CCNK: variants seen among roughly 807,000 people sequenced by gnomAD.
The protein encoded by CCNK is cyclin-K.
A neutral mutation model predicts 65.0 loss-of-function variants in CCNK; 9 were observed. The observed-to-expected ratio is 0.14, with a 90% CI of 0.08 to 0.24. The LOEUF is 0.24. Ranked by LOEUF, CCNK falls within the 10% of genes least tolerant of loss-of-function variation. The pLI is 1.00. For synonymous variants in CCNK, 279 were observed against 270.8 expected (o/e 1.03, Z -0.30); for missense variants, 474 against 720.0 (o/e 0.66, Z 3.91).
intron 1 of CCNK, among the ~76,000 whole-genome samples, chr14:99,486,150 T>G (rs917912484): frequency 6.6e-6 from 1 of 152,204 alleles, no homozygotes; most frequent in Non-Finnish European, 1.5e-5. Flanking sequence ...CCTTGTCCTT[T>G]AACTTTTCTT....
chr14:99,501,002 C>T (rs1284707598), intron 5 of CCNK, 131 bp downstream of exon 5: 2 of 661,692 alleles, frequency 3.0e-6, no homozygotes, highest in East Asian at 2.8e-5. Flanking sequence ...GCATGGCTTG[C>T]TCAGTCAATT....
chr14:99,509,994 T>C (rs1332139165), intron 10 of CCNK, 163 bp from the exon 11 acceptor site: 4 of 672,024 alleles, frequency 6.0e-6, no homozygotes, highest in Non-Finnish European at 9.9e-6. Context: ...GGGAGACATC[T>C]GGTGGCATCA....
chr14:99,502,629 C>T (rs980017855), intron 7 of CCNK, 90 bp from the exon 8 acceptor site: 215 of 1,303,422 alleles, frequency 1.6e-4, no homozygotes, highest in Non-Finnish European at 2.1e-4. Context: ...CTTAGGTCCT[C>T]GTAGGGGTAT....
At chr14:99,487,881 A>G (rs1469609180) in intron 1 of CCNK, among the ~76,000 whole-genome samples, 1 of 152,256 alleles carries the variant, frequency 6.6e-6, no homozygotes, top group Non-Finnish European at 1.5e-5. Context: ...GTACCCACAC[A>G]TAAGCAAGTA....
At chr14:99,495,846 T>C (rs1595310068) in intron 4 of CCNK, among the ~76,000 whole-genome samples, 1 of 152,164 alleles carries the variant, frequency 6.6e-6, no homozygotes, top group Non-Finnish European at 1.5e-5. Context: ...CCAGCAGTAT[T>C]CTAAGTACTT....
intron 8 of CCNK, chr14:99,503,198 C>T (rs868561000): frequency 2.1e-5 from 15 of 701,516 alleles, no homozygotes; most frequent in South Asian, 6.1e-5. Context: ...GCTCTCTGCC[C>T]GGCTCCAGCC....
At chr14:99,507,944 A>G (rs1026627727) in intron 10 of CCNK, 1 of 152,248 alleles carries the variant, frequency 6.6e-6, no homozygotes, top group African/African-American at 2.4e-5. Flanking sequence ...CTGTGGCACC[A>G]TTTCAGAAGG....
chr14:99,503,298 G>A (rs1331213574), intron 8 of CCNK: 6 of 612,068 alleles, frequency 9.8e-6, no homozygotes, highest in Non-Finnish European at 1.8e-5. Context: ...CTGCTTCTGT[G>A]CAGCTGCCTG....
chr14:99,498,395 G>T (rs893660028), intron 4 of CCNK, among the ~76,000 whole-genome samples: 1 of 152,120 alleles, frequency 6.6e-6, no homozygotes, highest in East Asian at 1.9e-4. Context: ...CGGAGTCGGG[G>T]CCAAAGGAAA....
At position 99,510,144 on chromosome 14, in the gene CCNK, C is replaced by A; in HGVS notation, c.1118-13C>A. On this transcript the variant is annotated splice_polypyrimidine_tract_variant and intron_variant, in intron 10 of 10. Coordinates refer to ENST00000389879, the MANE Select transcript of CCNK (RefSeq NM_001099402.2). The stretch of plus-strand genomic sequence containing the variant: ...TGGCGGAGGCCGGGCACTGATGCGT[C>A]TCTCTCCTGCAGACCGGAAGCCTCC... 1 of 1,590,298 alleles carries A rather than the reference C, an allele frequency of 6.3e-7. No individual in the cohort carries two copies.
At chr14:99,492,914 C>G (rs771358149) in intron 2 of CCNK, 40 bp downstream of exon 2, 3 of 1,468,172 alleles carry the variant, frequency 2.0e-6, no homozygotes, top group Non-Finnish European at 2.7e-6. Context: ...AGATAGGCTC[C>G]CCACTCACCA....
chr14:99,490,800 C>T (rs1221816750), intron 1 of CCNK, among the ~76,000 whole-genome samples: 2 of 151,814 alleles, frequency 1.3e-5, no homozygotes, highest in African/African-American at 4.8e-5. Flanking sequence ...TGGTGGCGGG[C>T]GCCTGTAGTC....
chr14:99,500,299 CAT>C (rs1896792705), intron 4 of CCNK: 1 of 181,804 alleles, frequency 5.5e-6, no homozygotes, highest in Non-Finnish European at 1.2e-5. Flanking sequence ...TATACACACA[CAT>C]ACACACACAC....
At position 99,511,778 on chromosome 14, in the gene CCNK, C is replaced by CTT. The variant is rs1356407146; in HGVS notation, c.*998_*999dup. 3.3e-5 allele frequency: 5 copies of CTT among 152,756 alleles called. No homozygotes were observed. Among genetic ancestry groups the CTT allele is most frequent in the East Asian group, 1.9e-4 (1 of 5,188 alleles). 9.5% of individuals were successfully genotyped at this position (152,756 alleles called of 1,614,324 possible). A position where few individuals can be genotyped will look rare whatever the true frequency, so the allele number is the denominator to read the frequency against. On this transcript the variant is annotated 3_prime_UTR_variant, in exon 11 of 11. Transcript: ENST00000389879. ...GGTTGAGTTCCAAACCAGTTTGAAA[C>CTT]TTTGAAGCCTTGCTGCGTAGAACGC... is the stretch of plus-strand genomic sequence containing the variant.
chr14:99,501,118 T>A, intron 5 of CCNK: 1 of 601,014 alleles, frequency 1.7e-6, no homozygotes, highest in East Asian at 2.8e-5. Flanking sequence ...ATTTTTTAAA[T>A]GGACTAATAA....
intron 4 of CCNK, among the ~76,000 whole-genome samples, chr14:99,498,472 T>C (rs536085653): frequency 1.3e-5 from 2 of 152,262 alleles, no homozygotes; most frequent in African/African-American, 4.8e-5. Flanking sequence ...GGAGGGCAAT[T>C]CTTTAGTGGA....
At chr14:99,493,441 T>A (rs188575578) in intron 2 of CCNK, 73 bp from the exon 3 acceptor site, 1 of 894,778 alleles carries the variant, frequency 1.1e-6, no homozygotes, top group Non-Finnish European at 1.7e-6. Flanking sequence ...TGTTTGTCTT[T>A]TTGTTTTTCT....
Position 99,510,518 on chromosome 14 carries a change from C to T in CCNK, c.1479C>T (p.Ser493=). The T allele has an allele frequency of 1.3e-6, 1 of 749,680 alleles. No homozygotes were observed. Among genetic ancestry groups the T allele is most frequent in the Non-Finnish European group, 2.0e-6 (1 of 497,160 alleles). 46.4% of individuals were successfully genotyped at this position (749,680 alleles called of 1,614,324 possible). ...CACCTGTGCCTCCTCCCCCAGCCTC[C>T]TTCCCCCCACCTGCCATCCCACCCC... The part of the protein sequence containing the change: ...PPPPVPPPPA[S]FPPPAIPPPT... The change falls in exon 11 of 11, where the codon TCC becomes TCT. Residue 493 remains serine, a synonymous_variant. Coordinates refer to ENST00000389879, the MANE Select transcript of CCNK (RefSeq NM_001099402.2).
chr14:99,507,321 G>T, intron 10 of CCNK, 174 bp downstream of exon 10: 1 of 624,412 alleles, frequency 1.6e-6, no homozygotes, highest in Non-Finnish European at 2.9e-6. Context: ...TTGTGTTTTT[G>T]ATCCCAGCAC....
Sources: allele counts gnomAD v4.1 joint callset (sites outside exome capture counted in the v4.1 genomes callset), GRCh38; gene constraint gnomAD v4.1.1; transcripts MANE v1.5; gene names NCBI Gene and HGNC (gene_info 2026-07-23, HGNC 2026-07-21).